The following METTL16 variants were observed in gnomAD, a reference collection of about 807,000 sequenced individuals.
The protein encoded by METTL16 is methyltransferase 16, RNA N6-adenosine, also known as RNA N(6)-adenosine-methyltransferase METTL16.
Under a neutral mutation model 57.9 loss-of-function variants are expected in METTL16, and 19 were observed. That is an observed-to-expected ratio of 0.33 (90% CI 0.23 to 0.48). METTL16 has a LOEUF of 0.48. Among genes scored for constraint, METTL16 ranks in the 20% least tolerant of loss-of-function variants. The pLI is 0.99. For missense variants in METTL16, 434 were observed against 691.5 expected, an observed-to-expected ratio of 0.63 and a Z score of 4.18; for synonymous variants, 246 against 255.6, an observed-to-expected ratio of 0.96 and a Z score of 0.36.
At chr17:2,423,250 A>G (rs2066781054) in intron 8 of METTL16, among the ~76,000 whole-genome samples, 1 of 136,616 alleles carries the variant, frequency 7.3e-6, no homozygotes, top group African/African-American at 2.8e-5. Context: ...AGGGAAGGAT[A>G]AAAAACAAAG....
At chr17:2,449,969 A>G (rs1275242625) in intron 6 of METTL16, among the ~76,000 whole-genome samples, 1 of 152,230 alleles carries the variant, frequency 6.6e-6, no homozygotes, top group Non-Finnish European at 1.5e-5. Context: ...GAACAGATAC[A>G]TTTTTAAAAG....
intron 1 of METTL16, among the ~76,000 whole-genome samples, chr17:2,511,008 C>T (rs774736698): frequency 2.6e-4 from 39 of 152,132 alleles, no homozygotes; most frequent in Non-Finnish European, 4.9e-4. Context: ...CATATCCCAA[C>T]GCCTAAAATA....
chr17:2,459,224 A>G (rs2067131665), intron 6 of METTL16, among the ~76,000 whole-genome samples: 1 of 152,246 alleles, frequency 6.6e-6, no homozygotes, highest in Non-Finnish European at 1.5e-5. Context: ...GGCTCTTCAC[A>G]GAGTCCAACT....
rs567611831 is a variant in METTL16, at chr17:2,478,365, G to A, written c.129-480C>T. Among the ~76,000 whole-genome samples the A allele has an allele frequency of 3.3e-5, 5 of 152,202 alleles. No individual in the cohort carries two copies. The East Asian group carries it at 9.6e-4, about 29-fold the overall frequency. The stretch of plus-strand genomic sequence containing the variant: ...ACATCATCTGACATTAGCATTCCTT[G>A]AAAATCCTACTTAAAAGTGGAAAGA... On this transcript the variant is annotated intron_variant, in intron 2 of 9. Coordinates refer to ENST00000263092, the MANE Select transcript of METTL16 (RefSeq NM_024086.4).
At chr17:2,473,386 A>G (rs2067247729) in intron 4 of METTL16, 138 bp downstream of exon 4, 11 of 838,280 alleles carry the variant, frequency 1.3e-5, no homozygotes, top group Non-Finnish European at 1.8e-5. Flanking sequence ...GTATCAAGAC[A>G]GCAAACCCAA....
At chr17:2,470,742 T>C (rs1218451675) in intron 4 of METTL16, among the ~76,000 whole-genome samples, 1 of 152,106 alleles carries the variant, frequency 6.6e-6, no homozygotes, top group East Asian at 1.9e-4. Flanking sequence ...ACATAGGAGG[T>C]TGAGGCTACA....
At chr17:2,470,992 A>C (rs2067231225) in intron 4 of METTL16, among the ~76,000 whole-genome samples, 1 of 152,204 alleles carries the variant, frequency 6.6e-6, no homozygotes, top group Non-Finnish European at 1.5e-5. Flanking sequence ...TGTAATCAAA[A>C]CAGTATGTTT....
chr17:2,486,251 TTAA>T (rs1368619487), intron 2 of METTL16, among the ~76,000 whole-genome samples: 1 of 151,902 alleles, frequency 6.6e-6, no homozygotes, highest in Non-Finnish European at 1.5e-5. Flanking sequence ...AGAAAAACTA[TTAA>T]TAATCACACC....
At chr17:2,447,457 T>G (rs1464140687) in intron 6 of METTL16, among the ~76,000 whole-genome samples, 4 of 92,526 alleles carry the variant, frequency 4.3e-5, no homozygotes, top group Admixed American at 1.1e-4. Flanking sequence ...GTGGGGGGGG[T>G]CAGCCCCCCG....
At chr17:2,463,751 C>T (rs933327067) in intron 6 of METTL16, among the ~76,000 whole-genome samples, 15 of 151,956 alleles carry the variant, frequency 9.9e-5, no homozygotes, top group Non-Finnish European at 1.0e-4. Flanking sequence ...TGAGCCACCA[C>T]GCCCAGCCTG....
intron 2 of METTL16, among the ~76,000 whole-genome samples, chr17:2,487,020 A>T (rs952081974): frequency 2.0e-5 from 3 of 151,096 alleles, no homozygotes; most frequent in African/African-American, 7.3e-5. Flanking sequence ...AAAAAAAAAA[A>T]AAAAAAGGCT....
At chr17:2,464,586 G>A (rs1015905080) in intron 5 of METTL16, among the ~76,000 whole-genome samples, 20 of 152,212 alleles carry the variant, frequency 1.3e-4, no homozygotes, top group Admixed American at 3.9e-4. Context: ...CATGAAAATT[G>A]TTTACCTTTT....
intron 6 of METTL16, among the ~76,000 whole-genome samples, chr17:2,457,149 C>G (rs1419735113): frequency 6.8e-6 from 1 of 146,848 alleles, no homozygotes; most frequent in East Asian, 2.1e-4. Context: ...CCGGCTAACA[C>G]AGTGAAACCC....
chr17:2,503,434 T>C (rs1397748164), intron 1 of METTL16, among the ~76,000 whole-genome samples: 1 of 151,868 alleles, frequency 6.6e-6, no homozygotes, highest in Non-Finnish European at 1.5e-5. Flanking sequence ...ATACACTAAA[T>C]ATGGGTCAAC....
chr17:2,474,266 G>C (rs1476698354), intron 3 of METTL16, among the ~76,000 whole-genome samples: 1 of 151,182 alleles, frequency 6.6e-6, no homozygotes, highest in Non-Finnish European at 1.5e-5. Context: ...TCTTAAAATG[G>C]ATCAATGTAC....
At chr17:2,469,033 G>A (rs1355733312) in intron 4 of METTL16, among the ~76,000 whole-genome samples, 4 of 151,748 alleles carry the variant, frequency 2.6e-5, no homozygotes, top group African/African-American at 7.3e-5. Context: ...TCAGGAGTTC[G>A]AGACCTGCCT....
chr17:2,435,124 C>CCTGT (rs10700591), intron 8 of METTL16, among the ~76,000 whole-genome samples: 41,078 of 151,882 alleles, frequency 0.27, 9,256 homozygotes, highest in African/African-American at 0.62. Flanking sequence ...AACATTAGGA[C>CCTGT]CTTTTTGTTG....
intron 1 of METTL16, among the ~76,000 whole-genome samples, chr17:2,503,437 G>A (rs2067505047): frequency 6.6e-6 from 1 of 151,612 alleles, no homozygotes; most frequent in African/African-American, 2.4e-5. Flanking sequence ...CACTAAATAT[G>A]GGTCAACAAA....
At chr17:2,499,108 A>G (rs963498611) in intron 2 of METTL16, among the ~76,000 whole-genome samples, 2 of 151,540 alleles carry the variant, frequency 1.3e-5, no homozygotes, top group African/African-American at 2.4e-5. Flanking sequence ...CCCACTGCAC[A>G]TCCCCCGGAT....
Sources: allele counts gnomAD v4.1 joint callset (sites outside exome capture counted in the v4.1 genomes callset), GRCh38; gene constraint gnomAD v4.1.1; transcripts MANE v1.5; gene names NCBI Gene and HGNC (gene_info 2026-07-23, HGNC 2026-07-21).